The following PLPP4 variants were observed in gnomAD, a reference collection of about 807,000 sequenced individuals.
The protein encoded by PLPP4 is diacylglycerol pyrophosphate like 2.
A neutral mutation model predicts 32.2 loss-of-function variants in PLPP4; 20 were observed. The ratio of observed to expected loss-of-function variants is 0.62; its 90% CI spans 0.44 to 0.90. The LOEUF (loss-of-function observed/expected upper bound fraction) is 0.90. Among genes scored for constraint, PLPP4 ranks in the 40% least tolerant of loss-of-function variants. The pLI is 0.00. For synonymous variants in PLPP4, 127 were observed against 133.0 expected, an observed-to-expected ratio of 0.95 and a Z score of 0.31; for missense variants, 257 against 353.1, an observed-to-expected ratio of 0.73 and a Z score of 2.18.
chr10:120,526,918 G>T (rs1345679748), intron 5 of PLPP4, among the ~76,000 whole-genome samples: 1 of 152,178 alleles, frequency 6.6e-6, no homozygotes, highest in Non-Finnish European at 1.5e-5. Context: ...CTGCAGGTGT[G>T]TAGATTGAGC....
chr10:120,514,628 A>G (rs917792489), intron 3 of PLPP4, among the ~76,000 whole-genome samples: 1 of 152,156 alleles, frequency 6.6e-6, no homozygotes, highest in African/African-American at 2.4e-5. Flanking sequence ...AGAGTTTGAC[A>G]TTTCAGGATT....
chr10:120,479,021 T>C (rs1292695998), intron 1 of PLPP4, among the ~76,000 whole-genome samples: 1 of 152,150 alleles, frequency 6.6e-6, no homozygotes, highest in East Asian at 1.9e-4. Flanking sequence ...GGTCAGGAGA[T>C]CGAGACCATC....
At chr10:120,581,312 C>T in intron 6 of PLPP4, 1 of 985,268 alleles carries the variant, frequency 1.0e-6, no homozygotes, top group Non-Finnish European at 1.2e-6. Context: ...TTATAGACTC[C>T]AACTTTTCCT....
At chr10:120,486,878 G>A (rs1844482968) in intron 1 of PLPP4, among the ~76,000 whole-genome samples, 1 of 152,190 alleles carries the variant, frequency 6.6e-6, no homozygotes, top group Non-Finnish European at 1.5e-5. Flanking sequence ...CCTGCCTTAA[G>A]GTCAGCCCAC....
rs573071291 is a variant in PLPP4, at chr10:120,527,545, ACAACTGGC to A, written c.445+6453_445+6460del. On this transcript the variant is annotated intron_variant, in intron 5 of 6. Coordinates refer to ENST00000398250, the MANE Select transcript of PLPP4 (RefSeq NM_001030059.3). ...TCTAGGCTGGTGTGTGTTTGACTGA[ACAACTGGC>A]CACCATAGTCTAGCCAAGTTGACAC... Among the ~76,000 whole-genome samples the A allele has an allele frequency of 3.8e-4, 58 of 152,344 alleles. 1 individual carries two copies. The highest frequency in any genetic ancestry group is 7.8e-4 in the Non-Finnish European group (53 of 68,034).
At chr10:120,511,619 A>G (rs1845731020) in intron 2 of PLPP4, among the ~76,000 whole-genome samples, 3 of 152,178 alleles carry the variant, frequency 2.0e-5, no homozygotes, top group South Asian at 4.1e-4. Context: ...CAGGAAGGTA[A>G]GCTGGTAGCC....
At chr10:120,515,759 G>C (rs1206007309) in intron 3 of PLPP4, among the ~76,000 whole-genome samples, 1 of 152,212 alleles carries the variant, frequency 6.6e-6, no homozygotes, top group African/African-American at 2.4e-5. Context: ...TCCAAAAAGT[G>C]CTGTTGGGAG....
chr10:120,457,414 C>G (rs955769918), intron 1 of PLPP4, 53 bp downstream of exon 1: 38 of 1,482,002 alleles, frequency 2.6e-5, no homozygotes, highest in Non-Finnish European at 3.1e-5. Flanking sequence ...GAACAACCGA[C>G]CAAGCCTCTC....
At chr10:120,477,454 G>GT (rs773287882) in intron 1 of PLPP4, among the ~76,000 whole-genome samples, 1 of 150,570 alleles carries the variant, frequency 6.6e-6, no homozygotes, top group African/African-American at 2.4e-5. Flanking sequence ...TTGTTTGTTT[G>GT]TTTCTGAGCA....
intron 5 of PLPP4, among the ~76,000 whole-genome samples, chr10:120,562,057 A>G (rs1848461516): frequency 6.6e-6 from 1 of 152,182 alleles, no homozygotes; most frequent in Non-Finnish European, 1.5e-5. Context: ...GAGAAGTGAT[A>G]TCTTCCTTTC....
intron 5 of PLPP4, among the ~76,000 whole-genome samples, chr10:120,563,777 GGC>G (rs1491453919): frequency 1.4e-4 from 15 of 110,078 alleles, no homozygotes; most frequent in South Asian, 3.6e-4. Context: ...TCCGCAGTCC[GGC>G]CTGGGCGACA....
chr10:120,574,158 ACACACACACACTCTCTCTCTCTCT>A (rs1187184869), intron 5 of PLPP4, among the ~76,000 whole-genome samples: 33 of 121,180 alleles, frequency 2.7e-4, no homozygotes, highest in East Asian at 8.0e-4. Flanking sequence ...ACACACACAC[ACACACACACACTCTCTCTCTCTCT>A]CTCTCTCTCT....
chr10:120,507,388 TATC>T (rs974179112), intron 2 of PLPP4, among the ~76,000 whole-genome samples: 5 of 129,688 alleles, frequency 3.9e-5, no homozygotes, highest in South Asian at 3.2e-4. Context: ...TCATCATCAT[TATC>T]ATCATCATCA....
chr10:120,507,197 G>A (rs1845528224), intron 2 of PLPP4, among the ~76,000 whole-genome samples: 1 of 152,124 alleles, frequency 6.6e-6, no homozygotes. Flanking sequence ...AACCATAGGG[G>A]CTATAGGGGA....
intron 5 of PLPP4, among the ~76,000 whole-genome samples, chr10:120,523,685 T>A (rs954002848): frequency 2.0e-5 from 3 of 152,156 alleles, no homozygotes; most frequent in Non-Finnish European, 2.9e-5. Flanking sequence ...CCCTTCTCCC[T>A]CCTGTCACTT....
At chr10:120,505,186 G>T (rs2478417) in intron 2 of PLPP4, among the ~76,000 whole-genome samples, 6 of 152,110 alleles carry the variant, frequency 3.9e-5, no homozygotes, top group African/African-American at 9.7e-5. Context: ...ACTTGCCCAA[G>T]GTCACACAGC....
At chr10:120,522,233 C>T (rs1846185388) in intron 5 of PLPP4, among the ~76,000 whole-genome samples, 1 of 152,158 alleles carries the variant, frequency 6.6e-6, no homozygotes, top group African/African-American at 2.4e-5. Flanking sequence ...ACCCGAGACA[C>T]ATCCTACTAA....
intron 5 of PLPP4, among the ~76,000 whole-genome samples, chr10:120,543,675 T>C (rs981848442): frequency 6.6e-6 from 1 of 152,150 alleles, no homozygotes; most frequent in Non-Finnish European, 1.5e-5. Context: ...GTTAAGTACA[T>C]TCACAGCGTT....
chr10:120,528,478 T>C (rs1295883545), intron 5 of PLPP4, among the ~76,000 whole-genome samples: 2 of 152,216 alleles, frequency 1.3e-5, no homozygotes, highest in African/African-American at 4.8e-5. Context: ...TCACCTCAAC[T>C]TGTATGGTTT....
Sources: gnomAD v4.1 joint callset for allele counts (sites outside exome capture counted in the v4.1 genomes callset) on GRCh38, gnomAD v4.1.1 for gene constraint, MANE v1.5 for transcripts, NCBI Gene and HGNC (gene_info 2026-07-23, HGNC 2026-07-21) for gene names.